Variants in IQCH observed in about 807,000 individuals in gnomAD.
The protein encoded by IQCH is IQ domain-containing protein H.
In IQCH, 98 loss-of-function variants were observed where a neutral mutation model predicts 117.0. That is an observed-to-expected ratio of 0.84 (90% CI 0.71 to 0.99). The LOEUF is 0.99. IQCH is among the 50% of genes least tolerant of loss of function. IQCH has a pLI of 0.00. For synonymous variants in IQCH, 412 were observed against 448.2 expected, an observed-to-expected ratio of 0.92 and a Z score of 1.02; for missense variants, 1,102 against 1,243.8, an observed-to-expected ratio of 0.89 and a Z score of 1.72.
chr15:67,377,859 A>C (rs1970791458), intron 10 of IQCH, among the ~76,000 whole-genome samples: 1 of 152,108 alleles, frequency 6.6e-6, no homozygotes, highest in Non-Finnish European at 1.5e-5. Context: ...TATATAGTTC[A>C]GTTCCATATT....
chr15:67,300,954 A>C (rs1162723682), intron 4 of IQCH, among the ~76,000 whole-genome samples: 1 of 152,210 alleles, frequency 6.6e-6, no homozygotes, highest in Non-Finnish European at 1.5e-5. Context: ...CCATGTAGGT[A>C]AAACAGTAAT....
rs1224042677 is a variant in IQCH at position 67,359,473 on chromosome 15, GAGA to G, written c.715-371_715-369del. ...CTGGGCATGGAAGTTAAAAGGCTAAGAGAAGGACTTCAGTATGCCAAGCCTCGT... is the reference window on the plus strand; with the variant it reads ...CTGGGCATGGAAGTTAAAAGGCTAAGAGGACTTCAGTATGCCAAGCCTCGT... On this transcript the variant is annotated intron_variant, in intron 7 of 20. Coordinates refer to ENST00000335894, the MANE Select transcript of IQCH (RefSeq NM_001031715.3). This position sits in a 1 kb window ranked among gnomAD's most constrained non-coding sequence, Gnocchi z 4.5. Among the ~76,000 whole-genome samples, 1 of 152,216 alleles carries G rather than the reference GAGA, an allele frequency of 6.6e-6. No homozygotes were observed. The highest frequency in any genetic ancestry group is 2.4e-5 in the African/African-American group (1 of 41,452).
intron 4 of IQCH, among the ~76,000 whole-genome samples, chr15:67,305,681 G>C (rs8038883): frequency 6.6e-6 from 1 of 151,838 alleles, no homozygotes; most frequent in East Asian, 1.9e-4. Context: ...TTTGTAGCCC[G>C]AGGCAACTGC....
intron 16 of IQCH, among the ~76,000 whole-genome samples, chr15:67,439,742 G>T (rs1247516638): frequency 6.6e-6 from 1 of 151,884 alleles, no homozygotes; most frequent in African/African-American, 2.4e-5. Flanking sequence ...AAAAAAAATA[G>T]CTGGGCGTGA....
rs572658816 is a variant in IQCH at position 67,463,839 on chromosome 15, T to C, written c.2506-1288T>C. On this transcript the variant is annotated intron_variant, in intron 16 of 20. Coordinates refer to ENST00000335894, the MANE Select transcript of IQCH (RefSeq NM_001031715.3). The surrounding 1 kb of genome is among the most constrained non-coding windows in gnomAD (Gnocchi z 4.0). ...ATGTATGTATCTGTCTTCACCTTCT[T>C]ATTTTTATTTTTTATTTTTTTGAGA... is the stretch of plus-strand genomic sequence containing the variant. Among the ~76,000 whole-genome samples, 5 of 152,324 alleles carry C rather than the reference T, an allele frequency of 3.3e-5. No individual in the cohort carries two copies. In the East Asian group the frequency reaches 9.6e-4, roughly 29 times the overall value.
At chr15:67,336,828 T>G in intron 4 of IQCH, 147 bp from the exon 5 acceptor site, 1 of 658,772 alleles carries the variant, frequency 1.5e-6, no homozygotes, top group Non-Finnish European at 2.6e-6. Flanking sequence ...TAGCACAGGG[T>G]ATTCATGAGC....
intron 20 of IQCH, among the ~76,000 whole-genome samples, chr15:67,495,405 C>G (rs1479825047): frequency 6.6e-6 from 1 of 152,184 alleles, no homozygotes; most frequent in Non-Finnish European, 1.5e-5. Flanking sequence ...ATCTCACTGT[C>G]TTGCCTAGGC....
rs1486228667 is a variant in IQCH, at chr15:67,433,622, T to C, written c.2505+12045T>C. 2.0e-5 allele frequency among the ~76,000 whole-genome samples: 3 copies of C among 152,182 alleles called. No individual in the cohort carries two copies. The highest frequency in any genetic ancestry group is 4.4e-5 in the Non-Finnish European group (3 of 68,032). ...TTCAAATGAAACCAAGACACCTCTCTGCACTTAGGGATCTTTAACTTGAAT... is the reference window on the plus strand; with the variant it reads ...TTCAAATGAAACCAAGACACCTCTCCGCACTTAGGGATCTTTAACTTGAAT... On this transcript the variant is annotated intron_variant, in intron 16 of 20. Transcript: ENST00000335894. The surrounding 1 kb of genome is among the most constrained non-coding windows in gnomAD (Gnocchi z 5.4).
chr15:67,472,710 A>G lies in IQCH; in HGVS notation c.2677-2986A>G, dbSNP rs1327176126. ...AGGTTCTGAACTTCTTTCTCACTCC[A>G]TATAACCTTTCCACTGCAGAATTCT... On this transcript the variant is annotated intron_variant, in intron 17 of 20. Coordinates refer to ENST00000335894, the MANE Select transcript of IQCH (RefSeq NM_001031715.3). This position sits in a 1 kb window ranked among gnomAD's most constrained non-coding sequence, Gnocchi z 4.3. Among the ~76,000 whole-genome samples the G allele has an allele frequency of 2.0e-5, 3 of 152,116 alleles. No individual in the cohort carries two copies.
At position 67,405,224 on chromosome 15, in the gene IQCH, T is replaced by G. The variant is rs1971839819; in HGVS notation, c.2097+4919T>G. The G allele has an allele frequency of 6.6e-6, 1 of 152,216 alleles. No homozygotes were observed. The highest frequency in any genetic ancestry group is 2.4e-5 in the African/African-American group (1 of 41,464). The allele number at this position is 152,216 out of a possible 1,614,324, so 9.4% of individuals were successfully genotyped here. Reference sequence around the variant, plus strand: ...TATTTTTTCCAGTCATGAAACTACATATAAATGATTATTGTTCACTTGTTT... The same window carrying G: ...TATTTTTTCCAGTCATGAAACTACAGATAAATGATTATTGTTCACTTGTTT... On this transcript the variant is annotated intron_variant, in intron 14 of 20. Coordinates refer to ENST00000335894, the MANE Select transcript of IQCH (RefSeq NM_001031715.3). The surrounding 1 kb of genome is among the most constrained non-coding windows in gnomAD (Gnocchi z 4.8).
intron 17 of IQCH, among the ~76,000 whole-genome samples, chr15:67,470,512 A>G (rs1257148558): frequency 6.6e-6 from 1 of 152,160 alleles, no homozygotes; most frequent in Non-Finnish European, 1.5e-5. Flanking sequence ...ATGTAACTGG[A>G]CATGGTTTCC....
rs947137702 is a variant in IQCH, at chr15:67,431,227, G to A, written c.2505+9650G>A. ...TTTATATAGCAATTCTCCCATTCCT[G>A]TTCCTCATATAAAAGTCTCTAAACA... On this transcript the variant is annotated intron_variant, in intron 16 of 20. Coordinates refer to ENST00000335894, the MANE Select transcript of IQCH (RefSeq NM_001031715.3). The surrounding 1 kb of genome is among the most constrained non-coding windows in gnomAD (Gnocchi z 4.8). Among the ~76,000 whole-genome samples the A allele has an allele frequency of 2.6e-5, 4 of 152,138 alleles. No homozygotes were observed. Among genetic ancestry groups the A allele is most frequent in the African/African-American group, 9.7e-5 (4 of 41,422 alleles).
rs1055058475 is a variant in IQCH at position 67,370,371 on chromosome 15, A to G, written c.754-1740A>G. Among the ~76,000 whole-genome samples, 4 of 152,160 alleles carry G rather than the reference A, an allele frequency of 2.6e-5. No individual in the cohort carries two copies. Among genetic ancestry groups the G allele is most frequent in the African/African-American group, 4.8e-5 (2 of 41,426 alleles). The stretch of plus-strand genomic sequence containing the variant: ...CTGGCAGGACCAGCCAGCTCCATAC[A>G]TGTCCATCTGTGATTATTTTGCATG... On this transcript the variant is annotated intron_variant, in intron 8 of 20. Coordinates refer to ENST00000335894, the MANE Select transcript of IQCH (RefSeq NM_001031715.3). This position sits in a 1 kb window ranked among gnomAD's most constrained non-coding sequence, Gnocchi z 5.6.
chr15:67,483,640 T>C (rs1292972018), intron 18 of IQCH, among the ~76,000 whole-genome samples: 1 of 152,240 alleles, frequency 6.6e-6, no homozygotes, highest in Non-Finnish European at 1.5e-5. Context: ...CTTGACCTCA[T>C]GACCTTGATC....
intron 16 of IQCH, among the ~76,000 whole-genome samples, chr15:67,442,253 A>G (rs1286462928): frequency 1.3e-5 from 2 of 151,904 alleles, no homozygotes; most frequent in East Asian, 3.9e-4. Context: ...TCTACTAAAT[A>G]TACACAATTA....
At position 67,407,290 on chromosome 15, in the gene IQCH, C is replaced by T. The variant is rs1472375378; in HGVS notation, c.2097+6985C>T. On this transcript the variant is annotated intron_variant, in intron 14 of 20. Transcript: ENST00000335894. This position sits in a 1 kb window ranked among gnomAD's most constrained non-coding sequence, Gnocchi z 5.3. ...TTATTCTGACCGGAAGATTGCAACC[C>T]AGTGGCTTTATTTTCTGGTTCCAGT... 6.6e-6 allele frequency: 1 copy of T among 152,190 alleles called. No individual in the cohort carries two copies. Among genetic ancestry groups the T allele is most frequent in the Non-Finnish European group, 1.5e-5 (1 of 68,042 alleles). The allele number at this position is 152,190 out of a possible 1,614,324, so 9.4% of individuals were successfully genotyped here.
chr15:67,435,745 C>T (rs377667218), intron 16 of IQCH, among the ~76,000 whole-genome samples: 3 of 150,068 alleles, frequency 2.0e-5, no homozygotes, highest in African/African-American at 7.4e-5. Flanking sequence ...TAGTGGTGCA[C>T]GCCTGTAATC....
At chr15:67,344,287 A>G in intron 6 of IQCH, 96 bp downstream of exon 6, 1 of 1,022,524 alleles carries the variant, frequency 9.8e-7, no homozygotes, top group South Asian at 1.7e-5. Context: ...GTCCTCAATA[A>G]TAGGACAAGA....
In IQCH at chr15:67,427,906, G is replaced by C. The variant is rs1255471573; in HGVS notation, c.2505+6329G>C. Among the ~76,000 whole-genome samples, 1 of 149,164 alleles carries C rather than the reference G, an allele frequency of 6.7e-6. No homozygotes were observed. The highest frequency in any genetic ancestry group is 1.5e-5 in the Non-Finnish European group (1 of 67,756). ...TGCAGTGGCATGATCTTGCTTCACT[G>C]TAATCTTTGCCTCCCAGGCTCAAGT... On this transcript the variant is annotated intron_variant, in intron 16 of 20. Coordinates refer to ENST00000335894, the MANE Select transcript of IQCH (RefSeq NM_001031715.3). The surrounding 1 kb of genome is among the most constrained non-coding windows in gnomAD (Gnocchi z 4.7).
Sources: allele counts gnomAD v4.1 joint callset (sites outside exome capture counted in the v4.1 genomes callset), GRCh38; gene constraint gnomAD v4.1.1; non-coding constraint Gnocchi (gnomAD v3.1); transcripts MANE v1.5; gene names NCBI Gene and HGNC (gene_info 2026-07-23, HGNC 2026-07-21).